The following ZRANB3 variants were observed in gnomAD, a reference collection of about 807,000 sequenced individuals.
The protein encoded by ZRANB3 is DNA annealing helicase and endonuclease ZRANB3.
In ZRANB3, 125 loss-of-function variants were observed where a neutral mutation model predicts 133.8. That is an observed-to-expected ratio of 0.93 (90% CI 0.81 to 1.08). The LOEUF is 1.08. ZRANB3 is among the 50% of genes least tolerant of loss of function. ZRANB3 has a pLI of 0.00. For synonymous variants in ZRANB3, 387 were observed against 432.7 expected (o/e 0.89, Z 1.31); for missense variants, 1,229 against 1,275.5 (o/e 0.96, Z 0.56).
intron 12 of ZRANB3, among the ~76,000 whole-genome samples, chr2:135,252,125 A>G (rs957533934): frequency 6.6e-6 from 1 of 152,222 alleles, no homozygotes; most frequent in Non-Finnish European, 1.5e-5. Context: ...GGACTAATAC[A>G]AAATGGGAGC....
intron 2 of ZRANB3, among the ~76,000 whole-genome samples, chr2:135,420,855 G>A (rs1446210981): frequency 6.6e-6 from 1 of 152,098 alleles, no homozygotes; most frequent in Non-Finnish European, 1.5e-5. Context: ...TTTTAGGCTA[G>A]ATACATATTG....
chr2:135,403,728 C>T (rs375414294), intron 2 of ZRANB3, among the ~76,000 whole-genome samples: 3 of 152,122 alleles, frequency 2.0e-5, no homozygotes, highest in Non-Finnish European at 4.4e-5. Flanking sequence ...ACACCTCACA[C>T]GGCCGGGTAC....
chr2:135,513,966 G>A (rs905742175), intron 1 of ZRANB3, among the ~76,000 whole-genome samples: 2 of 152,122 alleles, frequency 1.3e-5, no homozygotes, highest in Non-Finnish European at 2.9e-5. Flanking sequence ...TGTTATTTCT[G>A]AGGCCTCTGT....
At chr2:135,202,668 G>T in intron 20 of ZRANB3, 164 bp downstream of exon 20, 1 of 709,142 alleles carries the variant, frequency 1.4e-6, no homozygotes, top group Non-Finnish European at 2.1e-6. Flanking sequence ...TCTGTGACAC[G>T]GGCCTTGAGA....
At position 135,217,433 on chromosome 2, in the gene ZRANB3, T is replaced by C. The variant is rs778324565; in HGVS notation, c.2495+32A>G. The stretch of plus-strand genomic sequence containing the variant: ...GTAGAAAGAACCATGAAAAGTAATA[T>C]AATACAAAATTTAAAAAAAGACAAC... On this transcript the variant is annotated intron_variant, in intron 17 of 20. Transcript: ENST00000264159. The C allele has an allele frequency of 5.8e-6, 9 of 1,562,158 alleles. No homozygotes were observed. In the Admixed American group the frequency reaches 9.9e-5, roughly 17 times the overall value.
At chr2:135,440,865 C>A (rs7604879) in intron 2 of ZRANB3, among the ~76,000 whole-genome samples, 40,191 of 151,882 alleles carry the variant, frequency 0.26, 8,841 homozygotes, top group African/African-American at 0.59. Flanking sequence ...CACTGGGATC[C>A]CAAACTTATG....
chr2:135,315,841 T>G (rs1358970165), intron 6 of ZRANB3, among the ~76,000 whole-genome samples: 1 of 152,194 alleles, frequency 6.6e-6, no homozygotes, highest in Admixed American at 6.5e-5. Context: ...TATTGGCATT[T>G]TGAGTGGGCT....
At chr2:135,487,283 G>C (rs1692165764) in intron 2 of ZRANB3, among the ~76,000 whole-genome samples, 1 of 152,182 alleles carries the variant, frequency 6.6e-6, no homozygotes, top group Non-Finnish European at 1.5e-5. Flanking sequence ...TCCAGGCTTT[G>C]TTATTCTACT....
chr2:135,307,914 T>G (rs772088555), intron 8 of ZRANB3, among the ~76,000 whole-genome samples: 3 of 152,182 alleles, frequency 2.0e-5, no homozygotes, highest in African/African-American at 7.2e-5. Flanking sequence ...TCAAGGGTTT[T>G]GCTAAGTGTT....
intron 2 of ZRANB3, among the ~76,000 whole-genome samples, chr2:135,494,307 C>CAAA (rs770757530): frequency 1.4e-4 from 7 of 51,310 alleles, no homozygotes; most frequent in South Asian, 5.6e-4. Flanking sequence ...GACTCCGTCT[C>CAAA]AAAAAAAAAA....
intron 2 of ZRANB3, among the ~76,000 whole-genome samples, chr2:135,453,428 T>G (rs1483233632): frequency 6.6e-6 from 1 of 152,260 alleles, no homozygotes; most frequent in Non-Finnish European, 1.5e-5. Context: ...TCTTTTCTAC[T>G]GCATCATCAG....
rs368226917 is a variant in ZRANB3 at position 135,275,797 on chromosome 2, A to G, written c.967-42T>C. 23 of 1,403,316 alleles carry G rather than the reference A, an allele frequency of 1.6e-5. No homozygotes were observed. The African/African-American group carries it at 3.1e-4, about 19-fold the overall frequency. 86.9% of individuals were successfully genotyped at this position (1,403,316 alleles called of 1,614,324 possible). A position where few individuals can be genotyped will look rare whatever the true frequency, so the allele number is the denominator to read the frequency against. ...AAACCTTATTAGTGTCATAAAAATGATTATTTAAAATTTATGTCACTTTTA... is the reference window on the plus strand; with the variant it reads ...AAACCTTATTAGTGTCATAAAAATGGTTATTTAAAATTTATGTCACTTTTA... On this transcript the variant is annotated intron_variant, in intron 8 of 20. Transcript: ENST00000264159.
Position 135,495,388 on chromosome 2 carries a change from A to G in ZRANB3, c.161+8941T>C, listed in dbSNP as rs143387887. On this transcript the variant is annotated intron_variant, in intron 2 of 20. Coordinates refer to ENST00000264159, the MANE Select transcript of ZRANB3 (RefSeq NM_032143.4). ...ATTTTTAAAGCAAGTTTATTAGGAA[A>G]GTAAAGGAGTAAAAGAATGGCTACT... is the stretch of plus-strand genomic sequence containing the variant. Among the ~76,000 whole-genome samples, 209 of 152,316 alleles carry G rather than the reference A, an allele frequency of 1.4e-3. 4 individuals carry two copies. Among genetic ancestry groups the G allele is most frequent in the Admixed American group, 0.011 (170 of 15,304 alleles).
intron 2 of ZRANB3, among the ~76,000 whole-genome samples, chr2:135,436,710 T>C (rs1010296890): frequency 2.0e-5 from 3 of 152,160 alleles, no homozygotes; most frequent in Non-Finnish European, 4.4e-5. Flanking sequence ...ACAGGTTCAA[T>C]GTTATTCCTA....
chr2:135,313,973 G>A (rs562510612), intron 7 of ZRANB3, among the ~76,000 whole-genome samples: 2 of 151,972 alleles, frequency 1.3e-5, no homozygotes, highest in African/African-American at 4.8e-5. Context: ...CAAGCGATTC[G>A]CCTGCCTCAG....
intron 6 of ZRANB3, among the ~76,000 whole-genome samples, chr2:135,323,720 GA>G (rs1683655481): frequency 6.6e-6 from 1 of 151,928 alleles, no homozygotes; most frequent in Non-Finnish European, 1.5e-5. Context: ...CAATAAACTA[GA>G]ATTAGAAAGG....
chr2:135,479,217 C>T (rs72986463), intron 2 of ZRANB3, among the ~76,000 whole-genome samples: 2,144 of 152,112 alleles, frequency 0.014, 53 homozygotes, highest in African/African-American at 0.05. Flanking sequence ...TGTTCACCAA[C>T]GCAACTTAAT....
At chr2:135,333,909 T>C (rs1231264380) in intron 6 of ZRANB3, among the ~76,000 whole-genome samples, 3 of 152,212 alleles carry the variant, frequency 2.0e-5, no homozygotes, top group Non-Finnish European at 1.5e-5. Flanking sequence ...TAAATTTTGT[T>C]ATGCATATTT....
intron 12 of ZRANB3, among the ~76,000 whole-genome samples, chr2:135,241,904 G>T (rs1314621797): frequency 6.6e-6 from 1 of 152,284 alleles, no homozygotes; most frequent in Non-Finnish European, 1.5e-5. Context: ...CTGAGGCCAG[G>T]CATGGTGGCT....
Sources: gnomAD v4.1 joint callset for allele counts (sites outside exome capture counted in the v4.1 genomes callset) on GRCh38, gnomAD v4.1.1 for gene constraint, MANE v1.5 for transcripts, NCBI Gene and HGNC (gene_info 2026-07-23, HGNC 2026-07-21) for gene names.